Variants in ANXA6 observed in about 807,000 individuals in gnomAD.
ANXA6 encodes annexin A6.
In ANXA6, 71 loss-of-function variants were observed where a neutral mutation model predicts 95.4. That is an observed-to-expected ratio of 0.74 (90% CI 0.61 to 0.91). The LOEUF is 0.91. ANXA6 is among the 40% of genes least tolerant of loss of function. ANXA6 has a pLI of 0.00. For synonymous variants in ANXA6, 289 were observed against 315.9 expected (o/e 0.91, Z 0.90); for missense variants, 830 against 876.4 (o/e 0.95, Z 0.67).
At position 151,139,437 on chromosome 5, in the gene ANXA6, C is replaced by T. The variant is rs1765765740; in HGVS notation, c.120G>A (p.Lys40=). 3 of 1,613,002 alleles carry T rather than the reference C, an allele frequency of 1.9e-6. No homozygotes were observed. Among genetic ancestry groups the T allele is most frequent in the South Asian group, 1.1e-5 (1 of 91,052 alleles). ...YTAMKGFGSD[K]EAILDIITSR... is the part of the protein sequence containing the mutation. ...AGGTGATTATGTCCAGTATGGCCTC[C>T]TTGTCACTGCCTGGAATAGGGGAGA... Residue 40 remains lysine, a synonymous_variant, in exon 4 of 26, where the codon AAG becomes AAA. Transcript: ENST00000354546.
chr5:151,108,151 AGTGTGTGTGTG>A (rs1348159277), intron 23 of ANXA6, among the ~76,000 whole-genome samples: 8 of 151,550 alleles, frequency 5.3e-5, no homozygotes, highest in Non-Finnish European at 8.9e-5. Context: ...GTGTGTGTCA[AGTGTGTGTGTG>A]GTGTGTGTGT....
At chr5:151,141,273 T>C (rs1391597802) in intron 2 of ANXA6, among the ~76,000 whole-genome samples, 1 of 151,884 alleles carries the variant, frequency 6.6e-6, no homozygotes, top group Non-Finnish European at 1.5e-5. Flanking sequence ...CACAGCACAG[T>C]GACAAGGCAC....
At chr5:151,126,536 TCACACCAACACA>T in intron 13 of ANXA6, 56 bp from the exon 14 acceptor site, 1 of 1,183,216 alleles carries the variant, frequency 8.5e-7, no homozygotes, top group Non-Finnish European at 1.2e-6. Flanking sequence ...TGGGCAACAC[TCACACCAACACA>T]CACACACACA....
intron 11 of ANXA6, among the ~76,000 whole-genome samples, 192 bp from the exon 12 acceptor site, chr5:151,129,721 G>GTTTC (rs1765441263): frequency 6.6e-6 from 1 of 151,698 alleles, no homozygotes; most frequent in South Asian, 2.1e-4. Context: ...TTGTTTGTTT[G>GTTTC]TTTGTTTCTG....
Position 151,100,860 on chromosome 5 carries a change from C to A in ANXA6, c.*588G>T, listed in dbSNP as rs776494079. ...CTCATTGTAGATAAGAAAATAGAGA[C>A]TCAGGGAGGGAAAGGGGCTGGCCTA... On this transcript the variant is annotated 3_prime_UTR_variant, in exon 26 of 26. Coordinates refer to ENST00000354546, the MANE Select transcript of ANXA6 (RefSeq NM_001155.5). 2.2e-6 allele frequency: 1 copy of A among 456,152 alleles called. No homozygotes were observed. The highest frequency in any genetic ancestry group is 1.5e-5 in the South Asian group (1 of 64,562). 28.3% of individuals were successfully genotyped at this position (456,152 alleles called of 1,614,324 possible).
chr5:151,123,721 G>A (rs1269197948), intron 15 of ANXA6, among the ~76,000 whole-genome samples: 2 of 152,188 alleles, frequency 1.3e-5, no homozygotes, highest in Non-Finnish European at 1.5e-5. Context: ...GGGCAGAAAG[G>A]CAAAGAAAGC....
rs752610541 is a variant in ANXA6, at chr5:151,132,498, A to G, written c.714T>C (p.Phe238=). ...ASIRGELSGD[F]EKLMLAVVKC... The stretch of plus-strand genomic sequence containing the variant: ...TACCTACGGCCAGCATTAGCTTCTC[A>G]AAGTCCCCAGACAGCTCCCCTCGGA... The change falls in exon 10 of 26, where the codon TTT becomes TTC. Residue 238 remains phenylalanine, a synonymous_variant. Transcript: ENST00000354546. 4 of 1,612,680 alleles carry G rather than the reference A, an allele frequency of 2.5e-6. No individual in the cohort carries two copies. The Admixed American group carries it at 6.7e-5, about 27-fold the overall frequency.
Position 151,119,293 on chromosome 5 carries a change from A to C in ANXA6, c.1438+7T>G, listed in dbSNP as rs1463930807. ...CCAGCATCTGGGCCCAGGCCTCCCA[A>C]ACTCACCCTCCTTATAGGCCTCATT... On this transcript the variant is annotated splice_region_variant and intron_variant, in intron 18 of 25. Transcript: ENST00000354546. The C allele has an allele frequency of 6.2e-7, 1 of 1,612,168 alleles. No homozygotes were observed. Among genetic ancestry groups the C allele is most frequent in the African/African-American group, 1.3e-5 (1 of 74,874 alleles).
chr5:151,108,560 A>G lies in ANXA6; in HGVS notation c.1685-10T>C. ...ATGAACTCCTGGAAGACTGGCCACA[A>G]GAGAAGCCCCAGAGGTGGGGGTGAG... On this transcript the variant is annotated splice_polypyrimidine_tract_variant and intron_variant, in intron 22 of 25. Coordinates refer to ENST00000354546, the MANE Select transcript of ANXA6 (RefSeq NM_001155.5). 6.2e-7 allele frequency: 1 copy of G among 1,613,438 alleles called. No individual in the cohort carries two copies. The highest frequency in any genetic ancestry group is 8.5e-7 in the Non-Finnish European group (1 of 1,179,380).
intron 14 of ANXA6, among the ~76,000 whole-genome samples, chr5:151,124,785 G>A (rs1419472652): frequency 2.0e-5 from 3 of 152,176 alleles, no homozygotes; most frequent in Non-Finnish European, 4.4e-5. Context: ...CCCTGAAAAG[G>A]CAGCAGAAAA....
chr5:151,122,977 C>T lies in ANXA6; in HGVS notation c.1173G>A (p.Thr391=), dbSNP rs1017773735. The T allele has an allele frequency of 3.1e-6, 5 of 1,613,836 alleles. No individual in the cohort carries two copies. Among genetic ancestry groups the T allele is most frequent in the Non-Finnish European group, 3.4e-6 (4 of 1,179,888 alleles). Residue 391 remains threonine (T), a synonymous_variant, in exon 16 of 26, where the codon ACG becomes ACA. Transcript: ENST00000354546. ...TDEDTIIDII[T]HRSNVQRQQI... is the part of the protein sequence containing the mutation. Reference sequence around the variant, plus strand: ...GCTGCCGCTGGACATTGCTGCGGTGCGTGATGATATCGATGATTGTGTCTT... The same window carrying T: ...GCTGCCGCTGGACATTGCTGCGGTGTGTGATGATATCGATGATTGTGTCTT...
At chr5:151,139,579 G>A (rs542629703) in intron 3 of ANXA6, 132 bp from the exon 4 acceptor site, 27 of 691,982 alleles carry the variant, frequency 3.9e-5, no homozygotes, top group Non-Finnish European at 6.0e-5. Flanking sequence ...CTCATCAGGT[G>A]CTGGTGTCAG....
At chr5:151,108,335 G>A (rs896685534) in intron 23 of ANXA6, 120 bp downstream of exon 23, 6 of 914,154 alleles carry the variant, frequency 6.6e-6, no homozygotes, top group East Asian at 2.4e-5. Flanking sequence ...CCCTGGAGGC[G>A]AACTGTGACA....
intron 2 of ANXA6, among the ~76,000 whole-genome samples, chr5:151,142,136 G>A (rs1458197012): frequency 1.3e-5 from 2 of 152,188 alleles, no homozygotes; most frequent in Admixed American, 6.5e-5. Context: ...CTCCAGTCCA[G>A]CGATATCAAA....
chr5:151,141,553 A>G (rs1765835423), intron 2 of ANXA6: 1 of 985,396 alleles, frequency 1.0e-6, no homozygotes, highest in Non-Finnish European at 1.2e-6. Flanking sequence ...TCAGAGGTGG[A>G]GCAGAGTGAG....
Position 151,117,853 on chromosome 5 carries a change from G to T in ANXA6, c.1439-16C>A, listed in dbSNP as rs772381669. 1.2e-6 allele frequency: 2 copies of T among 1,609,198 alleles called. No individual in the cohort carries two copies. The highest frequency in any genetic ancestry group is 1.1e-5 in the South Asian group (1 of 90,876). ...TTGTGATAGTCTGAGGCAGAGAAAG[G>T]GGGTGTGGGTAGCTGCTGGCCAAGA... On this transcript the variant is annotated splice_polypyrimidine_tract_variant and intron_variant, in intron 18 of 25. Transcript: ENST00000354546.
Position 151,122,277 on chromosome 5 carries a change from C to T in ANXA6, c.1234-17G>A. The T allele has an allele frequency of 6.6e-7, 1 of 1,508,048 alleles. No homozygotes were observed. Among genetic ancestry groups the T allele is most frequent in the Non-Finnish European group, 9.1e-7 (1 of 1,096,048 alleles). 93.4% of individuals were successfully genotyped at this position (1,508,048 alleles called of 1,614,324 possible). A position where few individuals can be genotyped will look rare whatever the true frequency, so the allele number is the denominator to read the frequency against. On this transcript the variant is annotated splice_polypyrimidine_tract_variant and intron_variant, in intron 16 of 25. Transcript: ENST00000354546. Reference sequence around the variant, plus strand: ...CATTAAGTCCTGCAAAGGGCAGAGCCACAGTCATGCCAACATCAGCACTTG... The same window carrying T: ...CATTAAGTCCTGCAAAGGGCAGAGCTACAGTCATGCCAACATCAGCACTTG...
chr5:151,119,150 G>A (rs1765089061), intron 18 of ANXA6, 150 bp downstream of exon 18: 1 of 641,574 alleles, frequency 1.6e-6, no homozygotes, highest in Non-Finnish European at 2.7e-6. Context: ...CCCAGACACA[G>A]GGATGGGCAC....
At chr5:151,112,248 A>C (rs990709334) in intron 20 of ANXA6, among the ~76,000 whole-genome samples, 2 of 152,214 alleles carry the variant, frequency 1.3e-5, no homozygotes, top group African/African-American at 2.4e-5. Context: ...AATTAAGTAA[A>C]GAAGTAAAGT....
Sources: gnomAD v4.1 joint callset for allele counts (sites outside exome capture counted in the v4.1 genomes callset) on GRCh38, gnomAD v4.1.1 for gene constraint, MANE v1.5 for transcripts, NCBI Gene and HGNC (gene_info 2026-07-23, HGNC 2026-07-21) for gene names.